Variants in SYT1 observed in about 807,000 individuals in gnomAD.
The protein encoded by SYT1 is synaptotagmin 1.
In SYT1, 8 loss-of-function variants were observed where a neutral mutation model predicts 44.8. The ratio of observed to expected loss-of-function variants is 0.18; its 90% confidence interval spans 0.10 to 0.32. SYT1 has a LOEUF of 0.32. Among genes scored for constraint, SYT1 ranks in the 10% least tolerant of loss-of-function variants. The pLI is 1.00. For missense variants in SYT1, 286 were observed against 509.3 expected (o/e 0.56, Z 4.22); for synonymous variants, 154 against 188.8 (o/e 0.82, Z 1.51).
At chr12:79,115,462 A>G (rs1879225534) in intron 3 of SYT1, among the ~76,000 whole-genome samples, 1 of 152,222 alleles carries the variant, frequency 6.6e-6, no homozygotes. Flanking sequence ...AGCAATACAT[A>G]AACAACAAAT....
intron 8 of SYT1, 68 bp downstream of exon 8, chr12:79,299,619 T>A: frequency 6.5e-7 from 1 of 1,548,818 alleles, no homozygotes. Flanking sequence ...TATAATAACT[T>A]ATTGAGAAAT....
intron 2 of SYT1, among the ~76,000 whole-genome samples, chr12:79,002,671 T>A (rs146885448): frequency 6.6e-6 from 1 of 152,000 alleles, no homozygotes; most frequent in South Asian, 2.1e-4. Flanking sequence ...CTCCTCTAAT[T>A]GTGAATCTAG....
At chr12:79,300,716 T>G (rs1269638210) in intron 8 of SYT1, among the ~76,000 whole-genome samples, 2 of 149,848 alleles carry the variant, frequency 1.3e-5, no homozygotes, top group African/African-American at 4.9e-5. Flanking sequence ...TGGAAAAAAG[T>G]ATGTATACTT....
chr12:79,267,788 CT>C (rs1878212689), intron 4 of SYT1, among the ~76,000 whole-genome samples: 1 of 152,188 alleles, frequency 6.6e-6, no homozygotes, highest in African/African-American at 2.4e-5. Flanking sequence ...AGCTCCTGGG[CT>C]GACTGTGGAG....
chr12:78,931,160 G>A (rs1565723003), intron 1 of SYT1, among the ~76,000 whole-genome samples: 3 of 118,052 alleles, frequency 2.5e-5, no homozygotes, highest in Admixed American at 9.5e-5. Flanking sequence ...GAAAGTCTGT[G>A]GAAAGAAAGA....
At chr12:78,923,236 C>A (rs921923051) in intron 1 of SYT1, among the ~76,000 whole-genome samples, 2 of 151,958 alleles carry the variant, frequency 1.3e-5, no homozygotes, top group African/African-American at 4.8e-5. Flanking sequence ...GAGGATCCAA[C>A]TTTATTATTT....
At chr12:79,020,004 T>C (rs1565766168) in intron 2 of SYT1, among the ~76,000 whole-genome samples, 1 of 152,080 alleles carries the variant, frequency 6.6e-6, no homozygotes, top group East Asian at 1.9e-4. Context: ...TCAATTTATA[T>C]GTCAAGAGAA....
intron 9 of SYT1, among the ~76,000 whole-genome samples, chr12:79,386,258 A>T (rs1884429155): frequency 6.6e-6 from 1 of 152,110 alleles, no homozygotes; most frequent in Non-Finnish European, 1.5e-5. Context: ...AAAATTCACA[A>T]TTATAAGATT....
At chr12:79,328,259 T>G (rs1199701833) in intron 8 of SYT1, among the ~76,000 whole-genome samples, 1 of 152,172 alleles carries the variant, frequency 6.6e-6, no homozygotes, top group Non-Finnish European at 1.5e-5. Flanking sequence ...CTATTGAAAA[T>G]AATTTCAATT....
chr12:79,315,527 TCAGGGAC>T (rs1881038937), intron 8 of SYT1, among the ~76,000 whole-genome samples: 1 of 152,188 alleles, frequency 6.6e-6, no homozygotes, highest in African/African-American at 2.4e-5. Flanking sequence ...AAAAAAAGTT[TCAGGGAC>T]AGAGATCCTA....
At chr12:79,448,615 C>T (rs1175955182) in intron 10 of SYT1, among the ~76,000 whole-genome samples, 1 of 152,196 alleles carries the variant, frequency 6.6e-6, no homozygotes, top group African/African-American at 2.4e-5. Context: ...ACAACTCATT[C>T]CTTAAACAAC....
chr12:79,439,248 G>A (rs1368615424), intron 9 of SYT1, among the ~76,000 whole-genome samples: 1 of 152,162 alleles, frequency 6.6e-6, no homozygotes, highest in Non-Finnish European at 1.5e-5. Flanking sequence ...GGAACTCTGA[G>A]TTTAACTTTT....
chr12:79,060,271 T>C (rs1875280696), intron 3 of SYT1, among the ~76,000 whole-genome samples: 1 of 152,086 alleles, frequency 6.6e-6, no homozygotes, highest in Non-Finnish European at 1.5e-5. Context: ...AAAAAGCTTT[T>C]ATTTTCAAGA....
At chr12:79,429,238 G>A (rs533608593) in intron 9 of SYT1, among the ~76,000 whole-genome samples, 18 of 151,986 alleles carry the variant, frequency 1.2e-4, no homozygotes, top group Non-Finnish European at 2.6e-4. Context: ...ACGGAGTCTC[G>A]CTCTGTTGCC....
intron 2 of SYT1, among the ~76,000 whole-genome samples, chr12:79,029,040 C>T (rs2137662185): frequency 6.6e-6 from 1 of 151,374 alleles, no homozygotes; most frequent in Non-Finnish European, 1.5e-5. Context: ...ACATTAGTCT[C>T]TTATGCAGAA....
chr12:79,019,698 ATTTAT>A (rs1872057983), intron 2 of SYT1, among the ~76,000 whole-genome samples: 1 of 151,896 alleles, frequency 6.6e-6, no homozygotes, highest in Non-Finnish European at 1.5e-5. Context: ...GCATTTATTT[ATTTAT>A]TTATTTTACT....
chr12:79,306,576 C>T (rs1264728891), intron 8 of SYT1, among the ~76,000 whole-genome samples: 1 of 152,170 alleles, frequency 6.6e-6, no homozygotes, highest in East Asian at 1.9e-4. Flanking sequence ...TACATGGTCT[C>T]TCAAATGGTT....
rs994990704 is a variant in SYT1 at position 79,415,004 on chromosome 12, G to A, written c.929-29069G>A. Among the ~76,000 whole-genome samples the A allele has an allele frequency of 2.0e-5, 3 of 152,100 alleles. No homozygotes were observed. The South Asian group carries it at 6.2e-4, about 32-fold the overall frequency. ...TACTTGTATTTTTTTGCAGGGCCTT[G>A]TTAGGTTACCTGTACCCAAAGGATT... On this transcript the variant is annotated intron_variant, in intron 9 of 10. Transcript: ENST00000261205.
At chr12:79,351,077 G>A (rs1457024008) in intron 8 of SYT1, among the ~76,000 whole-genome samples, 1 of 152,134 alleles carries the variant, frequency 6.6e-6, no homozygotes, top group Non-Finnish European at 1.5e-5. Context: ...AGCAAATGTA[G>A]ATCTGTAAAG....
Sources: allele counts gnomAD v4.1 joint callset (sites outside exome capture counted in the v4.1 genomes callset), GRCh38; gene constraint gnomAD v4.1.1; transcripts MANE v1.5; gene names NCBI Gene and HGNC (gene_info 2026-07-23, HGNC 2026-07-21).